The following CDH12 variants were observed in gnomAD, a reference collection of about 807,000 sequenced individuals.
CDH12 encodes the protein cadherin 12, also known as cadherin-12.
CDH12 carries 41 observed loss-of-function variants against 74.1 expected under a neutral mutation model. The ratio of observed to expected loss-of-function variants is 0.55; its 90% confidence interval spans 0.43 to 0.72. The LOEUF is 0.72. Among genes scored for constraint, CDH12 ranks in the 30% least tolerant of loss-of-function variants. The pLI is 0.00. For missense variants in CDH12, 945 were observed against 977.2 expected (o/e 0.97, Z 0.44); for synonymous variants, 399 against 355.0 (o/e 1.12, Z -1.39).
chr5:22,230,564 C>G (rs1199412473), intron 3 of CDH12, among the ~76,000 whole-genome samples: 1 of 151,530 alleles, frequency 6.6e-6, no homozygotes, highest in Admixed American at 6.6e-5. Context: ...CTCCACCTCC[C>G]GGTTTAAGCG....
chr5:22,775,170 C>A (rs1298355291), intron 1 of CDH12, among the ~76,000 whole-genome samples: 1 of 151,976 alleles, frequency 6.6e-6, no homozygotes, highest in African/African-American at 2.4e-5. Context: ...TTTTTCTCAA[C>A]GTAAGTGAAA....
intron 4 of CDH12, among the ~76,000 whole-genome samples, chr5:22,159,849 C>A (rs1748224877): frequency 6.6e-6 from 1 of 152,086 alleles, no homozygotes; most frequent in African/African-American, 2.4e-5. Flanking sequence ...AATTATTACT[C>A]CTTACTGAAA....
At chr5:22,286,992 G>C (rs1737162663) in intron 3 of CDH12, among the ~76,000 whole-genome samples, 1 of 152,176 alleles carries the variant, frequency 6.6e-6, no homozygotes, top group African/African-American at 2.4e-5. Flanking sequence ...ATAACCAGGT[G>C]GGGTATCCAG....
intron 3 of CDH12, among the ~76,000 whole-genome samples, chr5:22,337,905 G>T (rs1739662370): frequency 6.6e-6 from 1 of 152,252 alleles, no homozygotes; most frequent in South Asian, 2.1e-4. Context: ...CTTTTATCCA[G>T]AAGTCAGGCA....
At chr5:21,896,398 ATGGC>A in intron 6 of CDH12, among the ~76,000 whole-genome samples, 1 of 152,214 alleles carries the variant, frequency 6.6e-6, no homozygotes, top group Admixed American at 6.5e-5. Flanking sequence ...AATCTAAAAG[ATGGC>A]ATCCTCTTTT....
chr5:22,846,143 G>A (rs1737289901), intron 1 of CDH12, among the ~76,000 whole-genome samples: 1 of 151,990 alleles, frequency 6.6e-6, no homozygotes, highest in Non-Finnish European at 1.5e-5. Context: ...GAAATTGGAT[G>A]GATAATTATG....
intron 3 of CDH12, among the ~76,000 whole-genome samples, chr5:22,314,564 A>G (rs1738532957): frequency 6.6e-6 from 1 of 152,206 alleles, no homozygotes; most frequent in Non-Finnish European, 1.5e-5. Context: ...TATTGAAGTC[A>G]CTGAAGCTGT....
At chr5:22,282,682 C>T (rs2150407848) in intron 3 of CDH12, among the ~76,000 whole-genome samples, 1 of 152,176 alleles carries the variant, frequency 6.6e-6, no homozygotes, top group South Asian at 2.1e-4. Context: ...AAATCACAAC[C>T]ACAATGAGAT....
intron 1 of CDH12, among the ~76,000 whole-genome samples, chr5:22,713,807 C>A (rs569899853): frequency 4.0e-4 from 61 of 152,176 alleles, no homozygotes; most frequent in Admixed American, 1.4e-3. Context: ...CCAGAATTCA[C>A]CTTATCCTGA....
At chr5:22,619,116 G>A (rs1737835878) in intron 1 of CDH12, among the ~76,000 whole-genome samples, 1 of 152,134 alleles carries the variant, frequency 6.6e-6, no homozygotes, top group South Asian at 2.1e-4. Context: ...CTATTTGTGT[G>A]AGCCCCATTT....
intron 4 of CDH12, among the ~76,000 whole-genome samples, chr5:22,147,765 A>G (rs917307970): frequency 4.6e-5 from 7 of 152,084 alleles, no homozygotes; most frequent in African/African-American, 1.7e-4. Flanking sequence ...CTTATTCACT[A>G]CCACAAGAAC....
intron 1 of CDH12, among the ~76,000 whole-genome samples, chr5:22,721,630 G>T (rs1743895315): frequency 1.3e-5 from 2 of 152,130 alleles, no homozygotes. Context: ...GTAAGGACAT[G>T]AGATTTGAGA....
At chr5:22,499,496 A>G (rs1747247033) in intron 2 of CDH12, among the ~76,000 whole-genome samples, 1 of 152,170 alleles carries the variant, frequency 6.6e-6, no homozygotes, top group Admixed American at 6.6e-5. Context: ...CAGGTCAAGA[A>G]AAACGAAGTG....
intron 4 of CDH12, among the ~76,000 whole-genome samples, chr5:22,106,538 A>G (rs1245402026): frequency 6.6e-6 from 1 of 152,152 alleles, no homozygotes; most frequent in African/African-American, 2.4e-5. Flanking sequence ...AACTACAGAC[A>G]CTCTTCTAAA....
At chr5:22,208,733 G>A (rs1308912134) in intron 4 of CDH12, among the ~76,000 whole-genome samples, 2 of 151,962 alleles carry the variant, frequency 1.3e-5, no homozygotes, top group African/African-American at 2.4e-5. Context: ...AATCTACTGC[G>A]GCCAGTAGAG....
At chr5:22,220,637 A>G (rs1488686003) in intron 3 of CDH12, among the ~76,000 whole-genome samples, 4 of 151,454 alleles carry the variant, frequency 2.6e-5, no homozygotes, top group Admixed American at 6.6e-5. Flanking sequence ...TCTAATTCCA[A>G]TGCTTTTCTG....
At chr5:21,782,619 C>A (rs745773376) in intron 11 of CDH12, among the ~76,000 whole-genome samples, 10 of 152,060 alleles carry the variant, frequency 6.6e-5, no homozygotes, top group Non-Finnish European at 1.2e-4. Context: ...TTCAAGAGAC[C>A]ATAAGTAAAA....
chr5:22,067,771 T>C (rs1379366348), intron 5 of CDH12, among the ~76,000 whole-genome samples: 2 of 152,036 alleles, frequency 1.3e-5, no homozygotes, highest in African/African-American at 2.4e-5. Flanking sequence ...CTCTCCTTTT[T>C]AGAAACAATG....
At chr5:21,834,122 G>GC in intron 8 of CDH12, among the ~76,000 whole-genome samples, 1 of 151,054 alleles carries the variant, frequency 6.6e-6, no homozygotes, top group African/African-American at 2.5e-5. Context: ...GCTAGTACCT[G>GC]AATACAAGGT....
Sources: allele counts gnomAD v4.1 joint callset (sites outside exome capture counted in the v4.1 genomes callset), GRCh38; gene constraint gnomAD v4.1.1; transcripts MANE v1.5; gene names NCBI Gene and HGNC (gene_info 2026-07-23, HGNC 2026-07-21).